The following HSH2D variants were observed in gnomAD, a reference collection of about 807,000 sequenced individuals.
The protein encoded by HSH2D is hematopoietic SH2 domain-containing protein.
HSH2D carries 16 observed loss-of-function variants against 21.5 expected under a neutral mutation model. The observed-to-expected ratio is 0.74, with a 90% CI of 0.50 to 1.13. The LOEUF (loss-of-function observed/expected upper bound fraction) is 1.13. Ranked by LOEUF, HSH2D falls within the 50% of genes most tolerant of loss-of-function variation. The pLI is 0.00. For synonymous variants in HSH2D, 172 were observed against 184.7 expected (o/e 0.93, Z 0.56); for missense variants, 418 against 441.4 (o/e 0.95, Z 0.47).
Position 16,143,706 on chromosome 19 carries a change from C to A in HSH2D, c.-96C>A, listed in dbSNP as rs894431288. Reference sequence around the variant, plus strand: ...CCCCATTGACGTGCAGACCTTGAATCGAAACCCAGGCTCCTGCAGGCACTG... The same window carrying A: ...CCCCATTGACGTGCAGACCTTGAATAGAAACCCAGGCTCCTGCAGGCACTG... On this transcript the variant is annotated 5_prime_UTR_variant, in exon 1 of 6. Transcript: ENST00000613986. 1 of 451,616 alleles carries A rather than the reference C, an allele frequency of 2.2e-6. No individual in the cohort carries two copies. The highest frequency in any genetic ancestry group is 1.6e-5 in the South Asian group (1 of 64,150). 28.0% of individuals were successfully genotyped at this position (451,616 alleles called of 1,614,324 possible). A position where few individuals can be genotyped will look rare whatever the true frequency, so the allele number is the denominator to read the frequency against.
At chr19:16,148,911 C>T in intron 2 of HSH2D, 36 bp downstream of exon 2, 3 of 1,575,372 alleles carry the variant, frequency 1.9e-6, no homozygotes, top group Admixed American at 3.6e-5. Flanking sequence ...CCTGCCCTCC[C>T]CACCCTGTCC....
chr19:16,145,731 A>G (rs1406789902), intron 1 of HSH2D, among the ~76,000 whole-genome samples: 1 of 152,138 alleles, frequency 6.6e-6, no homozygotes, highest in Non-Finnish European at 1.5e-5. Context: ...ATATTGAAAC[A>G]TTAGATGGGG....
intron 1 of HSH2D, among the ~76,000 whole-genome samples, chr19:16,137,400 G>C (rs147133807): frequency 0.014 from 2,172 of 152,086 alleles, 60 homozygotes; most frequent in African/African-American, 0.05. Context: ...GGCCGACGTG[G>C]GTGGATCACT....
chr19:16,143,791 C>A lies in HSH2D; in HGVS notation c.-28+17C>A. ...GTCTCCCAGGTATGTGACCCAAGAGCCTCAGCCCTCGAGGAGACAGAACGT... is the reference window on the plus strand; with the variant it reads ...GTCTCCCAGGTATGTGACCCAAGAGACTCAGCCCTCGAGGAGACAGAACGT... On this transcript the variant is annotated intron_variant, in intron 1 of 5. Coordinates refer to ENST00000613986, the MANE Select transcript of HSH2D (RefSeq NM_001382417.1). The A allele has an allele frequency of 2.3e-6, 1 of 437,880 alleles. No individual in the cohort carries two copies. Among genetic ancestry groups the A allele is most frequent in the Admixed American group, 2.5e-5 (1 of 40,706 alleles). 27.1% of individuals were successfully genotyped at this position (437,880 alleles called of 1,614,324 possible).
chr19:16,142,322 C>T (rs184620179), upstream of HSH2D, among the ~76,000 whole-genome samples: 304 of 152,318 alleles, frequency 2.0e-3, 2 homozygotes, highest in African/African-American at 6.2e-3. Context: ...TTCCTTCTCA[C>T]CCTCAAATGC....
Position 16,157,344 on chromosome 19 carries a change from C to T in HSH2D, c.609C>T (p.Leu203=), listed in dbSNP as rs757873136. 6.2e-7 allele frequency: 1 copy of T among 1,613,948 alleles called. No homozygotes were observed. Among genetic ancestry groups the T allele is most frequent in the Non-Finnish European group, 8.5e-7 (1 of 1,179,864 alleles). Residue 203 remains leucine (L), a synonymous_variant, in exon 6 of 6, where the codon CTC becomes CTT. Coordinates refer to ENST00000613986, the MANE Select transcript of HSH2D (RefSeq NM_001382417.1). This position sits in a 1 kb window ranked among gnomAD's most constrained non-coding sequence, Gnocchi z 4.4. The part of the protein sequence containing the change: ...KSPLGETRQK[L]WRSLKMLPER... ...CTCTTGGAGAGACCCGCCAGAAACT[C>T]TGGAGGAGCCTCAAAATGCTCCCCG...
intron 2 of HSH2D, chr19:16,151,712 C>G (rs2091152900): frequency 2.7e-6 from 1 of 365,562 alleles, no homozygotes; most frequent in Non-Finnish European, 5.5e-6. Context: ...CGCCTCCTAG[C>G]TCCTCGGGGG....
intron 1 of HSH2D, among the ~76,000 whole-genome samples, chr19:16,134,722 C>G (rs10409473): frequency 6.6e-6 from 1 of 152,150 alleles, no homozygotes; most frequent in African/African-American, 2.4e-5. Context: ...ACCACCTGGA[C>G]CTCTGTGACC....
rs993668406 is a variant in HSH2D at position 16,143,768 on chromosome 19, C to T, written c.-34C>T. ...GCGAGGGCCTCGGCCATCCAAGGGT[C>T]TCCCAGGTATGTGACCCAAGAGCCT... On this transcript the variant is annotated 5_prime_UTR_variant, in exon 1 of 6. Coordinates refer to ENST00000613986, the MANE Select transcript of HSH2D (RefSeq NM_001382417.1). 7 of 451,904 alleles carry T rather than the reference C, an allele frequency of 1.5e-5. No homozygotes were observed. Among genetic ancestry groups the T allele is most frequent in the African/African-American group, 1.2e-4 (6 of 49,794 alleles). 28.0% of individuals were successfully genotyped at this position (451,904 alleles called of 1,614,324 possible).
chr19:16,142,438 T>TTTTG (rs1337884028), upstream of HSH2D, among the ~76,000 whole-genome samples: 4 of 152,162 alleles, frequency 2.6e-5, no homozygotes, highest in Non-Finnish European at 5.9e-5. Context: ...TTTTTTGTTT[T>TTTTG]TTTGTTTTGT....
Position 16,149,004 on chromosome 19 carries a change from C to T in HSH2D, c.125+129C>T, listed in dbSNP as rs188109570. The T allele has an allele frequency of 4.2e-4, 415 of 992,736 alleles. 1 individual carries two copies. The African/African-American group carries it at 6.2e-3, about 15-fold the overall frequency. 61.5% of individuals were successfully genotyped at this position (992,736 alleles called of 1,614,324 possible). A position where few individuals can be genotyped will look rare whatever the true frequency, so the allele number is the denominator to read the frequency against. On this transcript the variant is annotated intron_variant, in intron 2 of 5. Transcript: ENST00000613986. ...CAGTGTGGCAAGAGGCTAAAATGAG[C>T]TCCAGGCTCCCAGGCTTGAATCCTG... is the stretch of plus-strand genomic sequence containing the variant.
chr19:16,151,678 T>G (rs1013292562), intron 2 of HSH2D: 12 of 437,910 alleles, frequency 2.7e-5, no homozygotes, highest in African/African-American at 2.1e-4. Context: ...GGAGGAGGTC[T>G]GGCCTGAGAT....
At chr19:16,134,774 CTA>C (rs564139215) in intron 1 of HSH2D, among the ~76,000 whole-genome samples, 54 of 152,064 alleles carry the variant, frequency 3.6e-4, no homozygotes, top group Admixed American at 1.3e-3. Flanking sequence ...GTGTTTCAAA[CTA>C]TTTTCAGAGT....
chr19:16,150,910 T>A (rs2091139964), intron 2 of HSH2D, among the ~76,000 whole-genome samples: 1 of 152,178 alleles, frequency 6.6e-6, no homozygotes, highest in East Asian at 1.9e-4. Flanking sequence ...TGTGTTGTTT[T>A]GGAAATCAGT....
intron 1 of HSH2D, among the ~76,000 whole-genome samples, chr19:16,134,407 G>A (rs1221599975): frequency 3.9e-5 from 6 of 152,262 alleles, no homozygotes; most frequent in South Asian, 2.1e-4. Context: ...TATGAGCCAC[G>A]CATGTAGGGA....
chr19:16,151,026 A>T (rs1258316147), intron 2 of HSH2D, among the ~76,000 whole-genome samples: 1 of 152,048 alleles, frequency 6.6e-6, no homozygotes, highest in African/African-American at 2.4e-5. Flanking sequence ...TAATAATGGT[A>T]ATAATATAGA....
chr19:16,153,350 T>C, intron 4 of HSH2D, 142 bp downstream of exon 4: 1 of 790,442 alleles, frequency 1.3e-6, no homozygotes, highest in South Asian at 2.0e-5. Context: ...ACCCCAGTAG[T>C]CCCTCTGCCC....
chr19:16,158,530 T>C lies in HSH2D; in HGVS notation c.*736T>C, dbSNP rs1450209137. On this transcript the variant is annotated 3_prime_UTR_variant, in exon 6 of 6. Coordinates refer to ENST00000613986, the MANE Select transcript of HSH2D (RefSeq NM_001382417.1). ...GCCTGGATGACAGAGTGAGACTCCA[T>C]CTCAAAAAATAAATAAATAAATAAA... 1 of 151,604 alleles carries C rather than the reference T, an allele frequency of 6.6e-6. No homozygotes were observed. Among genetic ancestry groups the C allele is most frequent in the Non-Finnish European group, 1.5e-5 (1 of 67,938 alleles). 9.4% of individuals were successfully genotyped at this position (151,604 alleles called of 1,614,324 possible).
chr19:16,151,607 A>AT, intron 2 of HSH2D: 1 of 455,826 alleles, frequency 2.2e-6, no homozygotes, highest in Non-Finnish European at 4.4e-6. Flanking sequence ...TGACACCTTG[A>AT]TCCACCCAAA....
Sources: gnomAD v4.1 joint callset for allele counts (sites outside exome capture counted in the v4.1 genomes callset) on GRCh38, gnomAD v4.1.1 for gene constraint, Gnocchi (gnomAD v3.1) non-coding constraint, MANE v1.5 for transcripts, NCBI Gene and HGNC (gene_info 2026-07-23, HGNC 2026-07-21) for gene names.